The following DAPK2 variants were observed in gnomAD, a reference collection of about 807,000 sequenced individuals.
The protein encoded by DAPK2 is death associated protein kinase 2.
In DAPK2, 35 loss-of-function variants were observed where a neutral mutation model predicts 44.1. The ratio of observed to expected loss-of-function variants is 0.79; its 90% CI spans 0.61 to 1.05. The LOEUF is 1.05. DAPK2 is among the 50% of genes least tolerant of loss of function. The pLI, the probability that DAPK2 is intolerant of heterozygous loss-of-function variation, is 0.00. For missense variants in DAPK2, 453 were observed against 483.2 expected (o/e 0.94, Z 0.59); for synonymous variants, 174 against 182.6 (o/e 0.95, Z 0.38).
At chr15:64,008,963 A>T (rs1313052237) in intron 1 of DAPK2, among the ~76,000 whole-genome samples, 1 of 152,178 alleles carries the variant, frequency 6.6e-6, no homozygotes, top group Non-Finnish European at 1.5e-5. Context: ...GTCTGCAAAC[A>T]TAAGACCTCT....
chr15:63,970,452 C>T (rs76416595), intron 3 of DAPK2, among the ~76,000 whole-genome samples: 3,485 of 152,240 alleles, frequency 0.023, 119 homozygotes, highest in African/African-American at 0.078. Flanking sequence ...TCTGATATCC[C>T]GGTTGGACTT....
intron 1 of DAPK2, among the ~76,000 whole-genome samples, chr15:63,989,853 G>A (rs1045667194): frequency 9.2e-5 from 14 of 151,954 alleles, no homozygotes; most frequent in African/African-American, 3.4e-4. Flanking sequence ...CATTATACCT[G>A]GCTAATTTTT....
At chr15:63,922,160 C>G (rs940179964) in intron 8 of DAPK2, 1 of 321,182 alleles carries the variant, frequency 3.1e-6, no homozygotes, top group Non-Finnish European at 4.5e-6. Flanking sequence ...AATAATAATG[C>G]CACCCACCTT....
intron 1 of DAPK2, among the ~76,000 whole-genome samples, chr15:64,028,742 T>C (rs1166641899): frequency 1.3e-5 from 2 of 151,884 alleles, no homozygotes; most frequent in Non-Finnish European, 2.9e-5. Context: ...CTAGGATGGA[T>C]GGATACGTAG....
chr15:63,982,240 G>A (rs1227162772), intron 2 of DAPK2, among the ~76,000 whole-genome samples: 1 of 147,826 alleles, frequency 6.8e-6, no homozygotes, highest in Non-Finnish European at 1.5e-5. Context: ...ACCCAGGCTG[G>A]AGTGCAGTGA....
chr15:63,971,654 C>G, intron 2 of DAPK2, 93 bp from the exon 4 acceptor site: 1 of 1,398,152 alleles, frequency 7.2e-7, no homozygotes, highest in Non-Finnish European at 9.7e-7. Context: ...CTCATCCTGA[C>G]CCCCCAGGGA....
At chr15:63,948,944 G>A (rs2077520033) in intron 3 of DAPK2, among the ~76,000 whole-genome samples, 1 of 152,160 alleles carries the variant, frequency 6.6e-6, no homozygotes, top group South Asian at 2.1e-4. Flanking sequence ...AATAGGTAAT[G>A]GAGCTGAGAT....
chr15:63,924,894 A>C (rs781032805), intron 7 of DAPK2, 33 bp from the exon 9 acceptor site: 2 of 1,612,882 alleles, frequency 1.2e-6, no homozygotes, highest in Non-Finnish European at 1.7e-6. Flanking sequence ...GTGATGATCC[A>C]TGAGGACAGA....
intron 3 of DAPK2, among the ~76,000 whole-genome samples, chr15:63,956,416 T>A (rs2077724810): frequency 6.6e-6 from 1 of 152,116 alleles, no homozygotes; most frequent in Admixed American, 6.5e-5. Context: ...CCATTATCAT[T>A]TTTTTCAAGA....
At chr15:63,984,159 G>A (rs1047315765) in intron 1 of DAPK2, among the ~76,000 whole-genome samples, 2 of 152,162 alleles carry the variant, frequency 1.3e-5, no homozygotes, top group Admixed American at 6.5e-5. Flanking sequence ...GTTTGGAGAG[G>A]AGGCAGCCTA....
chr15:63,952,148 G>A (rs2077606231), intron 3 of DAPK2, among the ~76,000 whole-genome samples: 1 of 152,180 alleles, frequency 6.6e-6, no homozygotes, highest in African/African-American at 2.4e-5. Context: ...GCGGAGGGAG[G>A]AGAATCGTTT....
intron 1 of DAPK2, among the ~76,000 whole-genome samples, chr15:64,034,132 A>G (rs2080108241): frequency 6.6e-6 from 1 of 152,160 alleles, no homozygotes; most frequent in Admixed American, 6.5e-5. Flanking sequence ...CTCTTTTGCC[A>G]AGGGCTGAGA....
chr15:64,036,324 T>TATATATATATGTATATATATATAC (rs1567290125), intron 1 of DAPK2, among the ~76,000 whole-genome samples: 6 of 116,006 alleles, frequency 5.2e-5, no homozygotes, highest in Admixed American at 9.7e-5. Context: ...TATATGTATA[T>TATATATATATGTATATATATATAC]ATATATATAT....
chr15:63,968,665 C>A (rs1220620395), intron 3 of DAPK2, among the ~76,000 whole-genome samples: 5 of 152,216 alleles, frequency 3.3e-5, no homozygotes, highest in African/African-American at 1.2e-4. Context: ...TCTCTCTAAC[C>A]CTTACAGCTC....
Position 63,912,066 on chromosome 15 carries a change from T to G in DAPK2, c.948+42A>C. ...CCCTGGAGAGCCAGAAACCCCGCCC[T>G]AGCCCCCACCCTGTCCCCCGCCGCC... On this transcript the variant is annotated intron_variant, in intron 9 of 10. Transcript: ENST00000261891. This position sits in a 1 kb window ranked among gnomAD's most constrained non-coding sequence, Gnocchi z 4.4. 1.2e-4 allele frequency: 115 copies of G among 958,064 alleles called. No homozygotes were observed. The highest frequency in any genetic ancestry group is 1.6e-4 in the Non-Finnish European group (101 of 648,302). The allele number at this position is 958,064 out of a possible 1,614,324, so 59.3% of individuals were successfully genotyped here.
At chr15:64,016,369 G>A (rs1212541313) in intron 1 of DAPK2, among the ~76,000 whole-genome samples, 1 of 152,188 alleles carries the variant, frequency 6.6e-6, no homozygotes, top group South Asian at 2.1e-4. Flanking sequence ...TCTGGCTTTG[G>A]AGCCAAAGAG....
intron 3 of DAPK2, among the ~76,000 whole-genome samples, chr15:63,947,794 C>T (rs1159234281): frequency 2.6e-5 from 4 of 152,162 alleles, no homozygotes; most frequent in African/African-American, 7.2e-5. Flanking sequence ...AACCACATTT[C>T]CAGGCCCTGC....
At chr15:64,016,423 G>C (rs529363529) in intron 1 of DAPK2, among the ~76,000 whole-genome samples, 1 of 152,238 alleles carries the variant, frequency 6.6e-6, no homozygotes, top group South Asian at 2.1e-4. Flanking sequence ...TGAGTGATTT[G>C]CCCTCAGTGA....
chr15:64,005,291 G>C (rs1187669732), intron 1 of DAPK2, among the ~76,000 whole-genome samples: 2 of 151,880 alleles, frequency 1.3e-5, no homozygotes, highest in Admixed American at 6.6e-5. Context: ...CCAAAGAGCA[G>C]TAATTTCAAA....
Sources: allele counts gnomAD v4.1 joint callset (sites outside exome capture counted in the v4.1 genomes callset), GRCh38; gene constraint gnomAD v4.1.1; non-coding constraint Gnocchi (gnomAD v3.1); transcripts MANE v1.5; gene names NCBI Gene and HGNC (gene_info 2026-07-23, HGNC 2026-07-21).